MITD1: variants seen among roughly 807,000 people sequenced by gnomAD.
MITD1 encodes the protein MIT domain-containing protein 1.
Under a neutral mutation model 34.9 loss-of-function variants are expected in MITD1, and 24 were observed. That is an observed-to-expected ratio of 0.69 (90% CI 0.50 to 0.97). The LOEUF (loss-of-function observed/expected upper bound fraction) is 0.97, where lower values mean the gene tolerates loss of function less well. MITD1 is among the 50% of genes least tolerant of loss of function. MITD1 has a pLI of 0.00. For missense variants in MITD1, 266 were observed against 294.6 expected, an observed-to-expected ratio of 0.90 and a Z score of 0.71; for synonymous variants, 102 against 101.4, an observed-to-expected ratio of 1.01 and a Z score of -0.04.
At chr2:99,162,249 C>T (rs137973334) in intron 7 of MITD1, 25 of 1,613,106 alleles carry the variant, frequency 1.5e-5, no homozygotes, top group Non-Finnish European at 1.9e-5. Context: ...AAAACTGGCT[C>T]GGAGAAGAAG....
chr2:99,169,295 C>A lies in MITD1; in HGVS notation c.*80G>T. 1.5e-6 allele frequency: 1 copy of A among 658,650 alleles called. No homozygotes were observed. Among genetic ancestry groups the A allele is most frequent in the South Asian group, 2.1e-5 (1 of 47,748 alleles). The allele number at this position is 658,650 out of a possible 1,614,324, so 40.8% of individuals were successfully genotyped here. A position where few individuals can be genotyped will look rare whatever the true frequency, so the allele number is the denominator to read the frequency against. ...AAATATAAAAGTTTATTGTTAAATT[C>A]ATACATTATAAAAGTGATCTTTTAA... On this transcript the variant is annotated 3_prime_UTR_variant, in exon 7 of 7. Transcript: ENST00000289359.
chr2:99,163,684 C>G (rs1039950378), intron 7 of MITD1, among the ~76,000 whole-genome samples: 1 of 152,110 alleles, frequency 6.6e-6, no homozygotes, highest in African/African-American at 2.4e-5. Context: ...GCTGCTTTTA[C>G]TCTCTTGGGG....
At chr2:99,165,061 C>CACACACACACACACACACATAT (rs370053233), downstream of MITD1, among the ~76,000 whole-genome samples, 3 of 135,282 alleles carry the variant, frequency 2.2e-5, no homozygotes, top group East Asian at 2.2e-4. Context: ...CACACACACA[C>CACACACACACACACACACATAT]ATATATATAT....
chr2:99,165,061 C>CACACACACACACACACACACAT (rs370053233), downstream of MITD1, among the ~76,000 whole-genome samples: 3 of 135,278 alleles, frequency 2.2e-5, no homozygotes, highest in African/African-American at 8.5e-5. Context: ...CACACACACA[C>CACACACACACACACACACACAT]ATATATATAT....
chr2:99,167,134 CTGATT>C (rs1464238781), downstream of MITD1, among the ~76,000 whole-genome samples: 4 of 151,932 alleles, frequency 2.6e-5, no homozygotes, highest in Non-Finnish European at 4.4e-5. Context: ...TTCTATCCCA[CTGATT>C]TATTTGCCCA....
chr2:99,168,282 C>T (rs1358014439), downstream of MITD1, among the ~76,000 whole-genome samples: 1 of 152,148 alleles, frequency 6.6e-6, no homozygotes, highest in East Asian at 1.9e-4. Context: ...GCTGGAATTA[C>T]AGGCATGCGC....
chr2:99,178,097 C>T (rs965925908), intron 1 of MITD1, among the ~76,000 whole-genome samples: 3 of 152,174 alleles, frequency 2.0e-5, no homozygotes, highest in Non-Finnish European at 4.4e-5. Context: ...CTGATAGACA[C>T]TTGGGTTGAT....
intron 4 of MITD1, 139 bp downstream of exon 4, chr2:99,171,204 A>G (rs908655266): frequency 2.1e-5 from 14 of 668,948 alleles, no homozygotes; most frequent in African/African-American, 5.4e-5. Flanking sequence ...ATGACATGTT[A>G]TGCATACTGT....
downstream of MITD1, among the ~76,000 whole-genome samples, chr2:99,166,827 T>G (rs1385389462): frequency 6.8e-6 from 1 of 146,942 alleles, no homozygotes; most frequent in Non-Finnish European, 1.5e-5. Flanking sequence ...TGGGGCTTTC[T>G]GTTATACTCA....
chr2:99,169,442 A>G lies in MITD1; in HGVS notation c.683T>C (p.Phe228Ser), dbSNP rs1008716251. The G allele has an allele frequency of 1.2e-6, 2 of 1,608,564 alleles. No homozygotes were observed. Among genetic ancestry groups the G allele is most frequent in the African/African-American group, 2.7e-5 (2 of 74,674 alleles). ...QSRFSLGYCD[F>S]DLRPCHETTV... ...TGTTTCATGACATGGTCTTAAATCAAAATCACAATATCCAAGGGAAAAACG... is the reference window on the plus strand; with the variant it reads ...TGTTTCATGACATGGTCTTAAATCAGAATCACAATATCCAAGGGAAAAACG... Residue 228 changes from phenylalanine to serine, a missense_variant, in exon 7 of 7, where the codon TTT becomes TCT. Transcript: ENST00000289359.
chr2:99,165,731 A>G (rs1180291999), downstream of MITD1, among the ~76,000 whole-genome samples: 1 of 152,204 alleles, frequency 6.6e-6, no homozygotes, highest in Non-Finnish European at 1.5e-5. Flanking sequence ...AAAGTTTACT[A>G]TACTCTTTGC....
chr2:99,162,853 TC>T, intron 7 of MITD1: 1 of 1,613,310 alleles, frequency 6.2e-7, no homozygotes, highest in Non-Finnish European at 8.5e-7. Flanking sequence ...ATTAAAGTAT[TC>T]ATAGACATAA....
chr2:99,173,306 T>C (rs928125961), intron 2 of MITD1: 8 of 322,322 alleles, frequency 2.5e-5, no homozygotes, highest in Admixed American at 1.1e-4. Context: ...CCTTTGGCTA[T>C]AGAAAGCAGC....
At chr2:99,175,832 T>C (rs566116037) in intron 1 of MITD1, among the ~76,000 whole-genome samples, 1 of 152,372 alleles carries the variant, frequency 6.6e-6, no homozygotes, top group Non-Finnish European at 1.5e-5. Flanking sequence ...ATTTTCCTGC[T>C]CAAATTTTAT....
chr2:99,178,433 G>A (rs2093898821), intron 1 of MITD1: 1 of 152,168 alleles, frequency 6.6e-6, no homozygotes, highest in Non-Finnish European at 1.5e-5. Context: ...GCCCAGCACT[G>A]TTCTAAGTGC....
chr2:99,164,898 C>G (rs576437385), downstream of MITD1, among the ~76,000 whole-genome samples: 1 of 151,962 alleles, frequency 6.6e-6, no homozygotes, highest in South Asian at 2.1e-4. Context: ...CTTCGAGTTC[C>G]AAATTGGAAA....
chr2:99,162,115 A>G, exon 8 of MITD1: 1 of 1,614,148 alleles, frequency 6.2e-7, no homozygotes, highest in Non-Finnish European at 8.5e-7. Flanking sequence ...TGGATCCATG[A>G]CCATATGAAT....
At position 99,173,844 on chromosome 2, in the gene MITD1, G is replaced by A. The variant is rs1365089932; in HGVS notation, c.253+71C>T. ...GACCACACAGAGCTCCAAAGGGCAG[G>A]AGCCAGAAACATTGGGTGAATGGAC... On this transcript the variant is annotated intron_variant, in intron 2 of 6. Coordinates refer to ENST00000289359, the MANE Select transcript of MITD1 (RefSeq NM_138798.3). 6 of 963,318 alleles carry A rather than the reference G, an allele frequency of 6.2e-6. No individual in the cohort carries two copies. The East Asian group carries it at 1.5e-4, about 23-fold the overall frequency. 59.7% of individuals were successfully genotyped at this position (963,318 alleles called of 1,614,324 possible).
In MITD1 at chr2:99,170,544, C is replaced by T; in HGVS notation, c.586G>A (p.Glu196Lys). 1 of 1,476,020 alleles carries T rather than the reference C, an allele frequency of 6.8e-7. No homozygotes were observed. The highest frequency in any genetic ancestry group is 1.2e-5 in the South Asian group (1 of 80,688). 91.4% of individuals were successfully genotyped at this position (1,476,020 alleles called of 1,614,324 possible). A position where few individuals can be genotyped will look rare whatever the true frequency, so the allele number is the denominator to read the frequency against. ...ACATTATTGTAGACTAACCTAATTTCTCGGTCATGTATTGAAGAAGAGTAT... is the reference window on the plus strand; with the variant it reads ...ACATTATTGTAGACTAACCTAATTTTTCGGTCATGTATTGAAGAAGAGTAT... Reference protein sequence around the residue: ...VQYSSSIHDREIRFNNGWMIK... With the variant: ...VQYSSSIHDRKIRFNNGWMIK... Residue 196 changes from glutamate (E) to lysine (K), a missense_variant, in exon 5 of 7, where the codon GAA becomes AAA. Coordinates refer to ENST00000289359, the MANE Select transcript of MITD1 (RefSeq NM_138798.3).
Sources: gnomAD v4.1 joint callset for allele counts (sites outside exome capture counted in the v4.1 genomes callset) on GRCh38, gnomAD v4.1.1 for gene constraint, MANE v1.5 for transcripts, NCBI Gene and HGNC (gene_info 2026-07-23, HGNC 2026-07-21) for gene names.